Variants in VWA8 observed in about 807,000 individuals in gnomAD.
VWA8 encodes von Willebrand factor A domain-containing protein 8.
VWA8 carries 221 observed loss-of-function variants against 241.5 expected under a neutral mutation model. That is an observed-to-expected ratio of 0.91 (90% confidence interval 0.82 to 1.02). VWA8 has a LOEUF of 1.02. Among genes scored for constraint, VWA8 ranks in the 50% least tolerant of loss-of-function variants. The probability of loss-of-function intolerance (pLI) is 0.00; values close to 1 mark genes in which losing one functional copy is unlikely to be tolerated. For synonymous variants in VWA8, 852 were observed against 827.1 expected, an observed-to-expected ratio of 1.03 and a Z score of -0.52; for missense variants, 2,322 against 2,328.7, an observed-to-expected ratio of 1.00 and a Z score of 0.06.
chr13:41,611,723 T>C lies in VWA8; in HGVS notation c.4730A>G (p.Asp1577Gly), dbSNP rs775866552. ...NTWAGGTGGRDTAGLGGKGGP... is the reference protein window; with the variant it reads ...NTWAGGTGGRGTAGLGGKGGP... ...TCCTTTGCCACCCAGGCCTGCCGTG[T>C]CTCTTCCCCCTGGAAGGAAAACGTG... The change falls in exon 39 of 45, where the codon GAC becomes GGC. Residue 1577 changes from aspartate (D) to glycine (G), a missense_variant. Asp to Gly is a moderately conservative substitution (Grantham distance 94). Coordinates refer to ENST00000379310, the MANE Select transcript of VWA8 (RefSeq NM_015058.2). 5 of 1,613,902 alleles carry C rather than the reference T, an allele frequency of 3.1e-6. No homozygotes were observed. The highest frequency in any genetic ancestry group is 4.2e-6 in the Non-Finnish European group (5 of 1,179,902).
At chr13:41,760,702 A>G (rs2045732981) in intron 21 of VWA8, among the ~76,000 whole-genome samples, 3 of 152,032 alleles carry the variant, frequency 2.0e-5, no homozygotes, top group Admixed American at 2.0e-4. Context: ...GAAGGCAAGG[A>G]GACAAATAAT....
chr13:41,814,318 T>C (rs926358099), intron 16 of VWA8, among the ~76,000 whole-genome samples: 3 of 152,274 alleles, frequency 2.0e-5, no homozygotes, highest in Middle Eastern at 3.4e-3. Context: ...TCAAGTGTCA[T>C]GAAAGCAGAT....
chr13:41,848,501 C>G (rs1284320161), intron 12 of VWA8, among the ~76,000 whole-genome samples: 3 of 152,080 alleles, frequency 2.0e-5, no homozygotes, highest in Non-Finnish European at 4.4e-5. Flanking sequence ...GGGGTGGTTT[C>G]CCCTATGCTG....
At chr13:41,889,520 A>T (rs1874720685) in intron 5 of VWA8, among the ~76,000 whole-genome samples, 2 of 152,018 alleles carry the variant, frequency 1.3e-5, no homozygotes, top group Admixed American at 6.5e-5. Flanking sequence ...CTGGGATTAC[A>T]GGCGCATGCC....
At chr13:41,628,361 T>C (rs1455693753) in intron 37 of VWA8, among the ~76,000 whole-genome samples, 1 of 152,190 alleles carries the variant, frequency 6.6e-6, no homozygotes, top group Non-Finnish European at 1.5e-5. Flanking sequence ...AACCCCATTA[T>C]TGGGTATATA....
intron 13 of VWA8, among the ~76,000 whole-genome samples, chr13:41,831,010 A>G (rs1871428873): frequency 6.6e-6 from 1 of 152,212 alleles, no homozygotes; most frequent in African/African-American, 2.4e-5. Flanking sequence ...GGTCTAAAGT[A>G]ACTCTGTAAG....
chr13:41,596,977 C>CT (rs35336510), intron 40 of VWA8, among the ~76,000 whole-genome samples: 2,051 of 151,058 alleles, frequency 0.014, 10 homozygotes, highest in South Asian at 0.038. Flanking sequence ...TTAATCAAGA[C>CT]TTTTTTTTTA....
chr13:41,943,911 G>T (rs1877716482), intron 2 of VWA8, among the ~76,000 whole-genome samples: 1 of 151,874 alleles, frequency 6.6e-6, no homozygotes, highest in African/African-American at 2.4e-5. Context: ...AGACCAGCCT[G>T]GGCCAACAGG....
At chr13:41,801,352 A>C (rs1424204364) in intron 17 of VWA8, among the ~76,000 whole-genome samples, 1 of 152,204 alleles carries the variant, frequency 6.6e-6, no homozygotes, top group Non-Finnish European at 1.5e-5. Flanking sequence ...TACACACAAG[A>C]ACAAATTCAA....
intron 14 of VWA8, among the ~76,000 whole-genome samples, chr13:41,829,555 A>G (rs1182540067): frequency 6.9e-6 from 1 of 144,824 alleles, no homozygotes; most frequent in Non-Finnish European, 1.5e-5. Context: ...ACACACACAC[A>G]CACACACACA....
chr13:41,573,905 C>T (rs1419228037), intron 43 of VWA8, among the ~76,000 whole-genome samples: 3 of 152,032 alleles, frequency 2.0e-5, no homozygotes, highest in Non-Finnish European at 4.4e-5. Flanking sequence ...TGCAGGCGTG[C>T]GCCACCGTGC....
At chr13:41,960,518 A>C (rs1291474622) in intron 1 of VWA8, among the ~76,000 whole-genome samples, 2 of 152,198 alleles carry the variant, frequency 1.3e-5, no homozygotes, top group African/African-American at 4.8e-5. Flanking sequence ...CATAGGGCTG[A>C]GGCATTAACC....
At chr13:41,934,851 T>C (rs947093306) in intron 2 of VWA8, among the ~76,000 whole-genome samples, 1 of 152,070 alleles carries the variant, frequency 6.6e-6, no homozygotes, top group Non-Finnish European at 1.5e-5. Context: ...TATATACATA[T>C]GTAAAAACAT....
intron 21 of VWA8, among the ~76,000 whole-genome samples, chr13:41,756,710 GACATTTTCA>G (rs1239786170): frequency 6.6e-6 from 1 of 151,450 alleles, no homozygotes; most frequent in African/African-American, 2.4e-5. Flanking sequence ...AAATTTCAAT[GACATTTTCA>G]ACTTTTGAAG....
chr13:41,593,173 G>A (rs561161228), intron 40 of VWA8, among the ~76,000 whole-genome samples: 2 of 152,274 alleles, frequency 1.3e-5, no homozygotes, highest in African/African-American at 2.4e-5. Flanking sequence ...GGGTATTACA[G>A]TATGTATTGT....
At position 41,946,011 on chromosome 13, in the gene VWA8, T is replaced by C. The variant is rs1446365972; in HGVS notation, c.241+3925A>G. ...CAAAAAGCTGAAGAGAGAATCTTGA[T>C]AGCAGAGAAAAACTGACTTATCATA... is the stretch of plus-strand genomic sequence containing the variant. On this transcript the variant is annotated intron_variant, in intron 2 of 44. Transcript: ENST00000379310. Among the ~76,000 whole-genome samples, 3 of 152,092 alleles carry C rather than the reference T, an allele frequency of 2.0e-5. No individual in the cohort carries two copies. In the East Asian group the frequency reaches 5.8e-4, roughly 29 times the overall value.
At chr13:41,826,688 A>G (rs1871181358) in intron 14 of VWA8, among the ~76,000 whole-genome samples, 1 of 152,006 alleles carries the variant, frequency 6.6e-6, no homozygotes, top group African/African-American at 2.4e-5. Context: ...TCAGCAACAC[A>G]GTGAGACTGC....
At chr13:41,583,655 A>AC (rs2044398704) in intron 42 of VWA8, among the ~76,000 whole-genome samples, 1 of 151,406 alleles carries the variant, frequency 6.6e-6, no homozygotes. Context: ...AAAAAAAAAA[A>AC]AAAAAAACAA....
At chr13:41,639,711 T>C (rs983874375) in intron 37 of VWA8, among the ~76,000 whole-genome samples, 12 of 152,174 alleles carry the variant, frequency 7.9e-5, no homozygotes, top group Non-Finnish European at 1.3e-4. Context: ...AACAAAGGGT[T>C]TCATTGAGTA....
Sources: gnomAD v4.1 joint callset for allele counts (sites outside exome capture counted in the v4.1 genomes callset) on GRCh38, gnomAD v4.1.1 for gene constraint, MANE v1.5 for transcripts, NCBI Gene and HGNC (gene_info 2026-07-23, HGNC 2026-07-21) for gene names.